The following MSI2 variants were observed in gnomAD, a reference collection of about 807,000 sequenced individuals.
MSI2 encodes RNA-binding protein Musashi homolog 2.
Under a neutral mutation model 45.6 loss-of-function variants are expected in MSI2, and 17 were observed. The observed-to-expected ratio is 0.37, with a 90% CI of 0.26 to 0.56. The LOEUF (loss-of-function observed/expected upper bound fraction) is 0.56. Ranked by LOEUF, MSI2 falls within the 20% of genes least tolerant of loss-of-function variation. MSI2 has a pLI of 0.77. For missense variants in MSI2, 293 were observed against 444.2 expected (o/e 0.66, Z 3.06); for synonymous variants, 156 against 158.2 (o/e 0.99, Z 0.11).
chr17:57,504,728 C>T (rs1210702615), intron 6 of MSI2, among the ~76,000 whole-genome samples: 3 of 151,992 alleles, frequency 2.0e-5, no homozygotes, highest in South Asian at 2.1e-4. Context: ...GTCGGGAGTT[C>T]GAGACCAGCC....
intron 4 of MSI2, among the ~76,000 whole-genome samples, chr17:57,261,293 G>T (rs1339463619): frequency 6.6e-6 from 1 of 152,058 alleles, no homozygotes; most frequent in Non-Finnish European, 1.5e-5. Flanking sequence ...CTCGGATTGA[G>T]GTTGGGGTAG....
At chr17:57,395,049 T>C (rs1162409647) in intron 5 of MSI2, among the ~76,000 whole-genome samples, 3 of 152,184 alleles carry the variant, frequency 2.0e-5, no homozygotes, top group East Asian at 1.9e-4. Flanking sequence ...CCCATACCTC[T>C]CTCCTAGCTT....
At chr17:57,423,872 CG>C in intron 6 of MSI2, among the ~76,000 whole-genome samples, 1 of 152,234 alleles carries the variant, frequency 6.6e-6, no homozygotes, top group Non-Finnish European at 1.5e-5. Context: ...TTTTCTCTTG[CG>C]GTAGTTACAA....
At chr17:57,377,581 TACA>T (rs1371082711) in intron 5 of MSI2, among the ~76,000 whole-genome samples, 1 of 152,240 alleles carries the variant, frequency 6.6e-6, no homozygotes, top group Non-Finnish European at 1.5e-5. Context: ...TCATCATCTT[TACA>T]ACAAGGACTT....
At chr17:57,533,159 G>T (rs1198792587) in intron 7 of MSI2, among the ~76,000 whole-genome samples, 1 of 152,148 alleles carries the variant, frequency 6.6e-6, no homozygotes, top group East Asian at 1.9e-4. Context: ...TTGGGGCAGG[G>T]ATGCCCTCAG....
At chr17:57,676,813 G>A (rs1057486368) in intron 12 of MSI2, among the ~76,000 whole-genome samples, 174 bp from the exon 13 acceptor site, 10 of 152,170 alleles carry the variant, frequency 6.6e-5, no homozygotes, top group Non-Finnish European at 1.5e-4. Flanking sequence ...TGGGGACTAG[G>A]GATTTGGAGC....
At chr17:57,397,013 G>A (rs11650762) in intron 5 of MSI2, among the ~76,000 whole-genome samples, 10,296 of 152,248 alleles carry the variant, frequency 0.068, 438 homozygotes, top group Non-Finnish European at 0.11. Context: ...GGAAATTTAA[G>A]ATCAATTTCC....
intron 5 of MSI2, among the ~76,000 whole-genome samples, chr17:57,360,965 A>C (rs1270892120): frequency 1.3e-5 from 2 of 152,230 alleles, no homozygotes; most frequent in Non-Finnish European, 2.9e-5. Context: ...TAACTTGTCC[A>C]TAAAATTTGC....
At chr17:57,579,517 G>A (rs2088144487) in intron 7 of MSI2, among the ~76,000 whole-genome samples, 1 of 152,130 alleles carries the variant, frequency 6.6e-6, no homozygotes. Flanking sequence ...CAGCCATCAG[G>A]ACATCTGAGG....
intron 6 of MSI2, among the ~76,000 whole-genome samples, chr17:57,452,092 C>G (rs2085030299): frequency 6.6e-6 from 1 of 152,202 alleles, no homozygotes; most frequent in Non-Finnish European, 1.5e-5. Context: ...AGTGTGGGCA[C>G]CTGTGACCAC....
At chr17:57,293,587 G>GTTTTTTTTTTTT (rs769797340) in intron 5 of MSI2, among the ~76,000 whole-genome samples, 1 of 65,376 alleles carries the variant, frequency 1.5e-5, no homozygotes, top group South Asian at 5.9e-4. Context: ...GTGCTTTATT[G>GTTTTTTTTTTTT]TTTTTTTGTT....
At chr17:57,601,911 G>A (rs1006252776) in intron 8 of MSI2, 28 of 152,242 alleles carry the variant, frequency 1.8e-4, no homozygotes, top group African/African-American at 5.5e-4. Flanking sequence ...TCCTTGGTGG[G>A]ACAGTTCTAA....
Position 57,679,809 on chromosome 17 carries a change from C to T in MSI2, c.*292C>T, listed in dbSNP as rs571607777. ...CTTGATGGTTTCCCTCTCCCTCCCT[C>T]TCTTCCCATTCTCCTTTTAAATCTC... is the stretch of plus-strand genomic sequence containing the variant. On this transcript the variant is annotated 3_prime_UTR_variant, in exon 14 of 14. Coordinates refer to ENST00000284073, the MANE Select transcript of MSI2 (RefSeq NM_138962.4). 2.3e-4 allele frequency: 55 copies of T among 235,822 alleles called. No homozygotes were observed. Among genetic ancestry groups the T allele is most frequent in the African/African-American group, 1.1e-3 (52 of 45,482 alleles). 14.6% of individuals were successfully genotyped at this position (235,822 alleles called of 1,614,324 possible).
chr17:57,551,659 C>A (rs1302341083), intron 7 of MSI2, among the ~76,000 whole-genome samples: 1 of 152,124 alleles, frequency 6.6e-6, no homozygotes, highest in Non-Finnish European at 1.5e-5. Context: ...CTTCCCCCAC[C>A]CACTGCTGAA....
At chr17:57,654,268 C>T (rs77182652) in intron 11 of MSI2, among the ~76,000 whole-genome samples, 612 of 152,330 alleles carry the variant, frequency 4.0e-3, no homozygotes, top group African/African-American at 0.014. Context: ...ATAGTGAGAG[C>T]GCTGCCTAGG....
intron 5 of MSI2, among the ~76,000 whole-genome samples, chr17:57,276,018 G>C (rs112206326): frequency 5.3e-5 from 8 of 152,218 alleles, no homozygotes; most frequent in African/African-American, 1.9e-4. Flanking sequence ...CATCTCTTTG[G>C]GAAGGGCTGT....
intron 6 of MSI2, among the ~76,000 whole-genome samples, chr17:57,465,382 G>A (rs2085311210): frequency 1.3e-5 from 2 of 152,276 alleles, no homozygotes; most frequent in East Asian, 3.9e-4. Context: ...TCTCTCAAAG[G>A]CAAAGGTCTT....
chr17:57,699,129 T>C, the MSI2 span, among the ~76,000 whole-genome samples: 1,444 of 26,188 alleles, frequency 0.055, 223 homozygotes, highest in African/African-American at 0.25. Context: ...CTCAGATGAC[T>C]CTAATGAGGA....
At position 57,434,185 on chromosome 17, in the gene MSI2, C is replaced by T. The variant is rs565397702; in HGVS notation, c.405+32714C>T. The stretch of plus-strand genomic sequence containing the variant: ...TGTGATCTTGGCTCACTGTAACCTC[C>T]GCCTCCTGGGTCCAAGCAATTCTTC... On this transcript the variant is annotated intron_variant, in intron 6 of 13. Transcript: ENST00000284073. 3.9e-5 allele frequency among the ~76,000 whole-genome samples: 6 copies of T among 152,204 alleles called. No individual in the cohort carries two copies. The South Asian group carries it at 6.2e-4, about 16-fold the overall frequency.
Sources: gnomAD v4.1 joint callset for allele counts (sites outside exome capture counted in the v4.1 genomes callset) on GRCh38, gnomAD v4.1.1 for gene constraint, MANE v1.5 for transcripts, NCBI Gene and HGNC (gene_info 2026-07-23, HGNC 2026-07-21) for gene names.